The following PRKN variants were observed in gnomAD, a reference collection of about 807,000 sequenced individuals.
The protein encoded by PRKN is E3 ubiquitin-protein ligase parkin.
PRKN carries 56 observed loss-of-function variants against 59.5 expected under a neutral mutation model. The observed-to-expected ratio is 0.94, with a 90% confidence interval of 0.76 to 1.18. The LOEUF is 1.18. Among genes scored for constraint, PRKN ranks in the 50% most tolerant of loss-of-function variants. The pLI is 0.00. For synonymous variants in PRKN, 250 were observed against 222.1 expected, an observed-to-expected ratio of 1.13 and a Z score of -1.12; for missense variants, 657 against 596.4, an observed-to-expected ratio of 1.10 and a Z score of -1.06.
intron 6 of PRKN, among the ~76,000 whole-genome samples, chr6:161,788,810 C>G (rs1053382097): frequency 2.0e-5 from 3 of 152,040 alleles, no homozygotes; most frequent in Non-Finnish European, 2.9e-5. Context: ...TACAGGGAGT[C>G]AAAAATGATA....
chr6:162,162,291 A>C (rs1292746973), intron 4 of PRKN, among the ~76,000 whole-genome samples: 2 of 152,190 alleles, frequency 1.3e-5, no homozygotes, highest in African/African-American at 4.8e-5. Context: ...AAATTGTATT[A>C]GGTAATCCAG....
At chr6:162,187,700 A>G (rs1784089484) in intron 4 of PRKN, among the ~76,000 whole-genome samples, 1 of 152,168 alleles carries the variant, frequency 6.6e-6, no homozygotes, top group Non-Finnish European at 1.5e-5. Context: ...GAGAAAATCT[A>G]TTAATATAAC....
At chr6:161,406,167 CAT>C (rs954062822) in intron 9 of PRKN, among the ~76,000 whole-genome samples, 2 of 150,992 alleles carry the variant, frequency 1.3e-5, no homozygotes, top group African/African-American at 2.4e-5. Flanking sequence ...TATATATACA[CAT>C]ATATATACAT....
At chr6:161,479,009 A>T (rs2115230989) in intron 9 of PRKN, among the ~76,000 whole-genome samples, 1 of 152,360 alleles carries the variant, frequency 6.6e-6, no homozygotes, top group South Asian at 2.1e-4. Context: ...AAAACAATTT[A>T]TACATAGAGT....
At chr6:161,961,775 A>G (rs908000443) in intron 6 of PRKN, among the ~76,000 whole-genome samples, 9 of 152,156 alleles carry the variant, frequency 5.9e-5, no homozygotes, top group Non-Finnish European at 1.3e-4. Context: ...TATCTGTTGA[A>G]TGAACAGACT....
Position 161,561,645 on chromosome 6 carries a change from CCT to C in PRKN, c.933+7708_933+7709del, listed in dbSNP as rs1416596491. On this transcript the variant is annotated intron_variant, in intron 8 of 11. Coordinates refer to ENST00000366898, the MANE Select transcript of PRKN (RefSeq NM_004562.3). The surrounding 1 kb of genome is among the most constrained non-coding windows in gnomAD (Gnocchi z 5.0). ...TCCTCCTGTTAGGGGCCGATTCCTC[CCT>C]CTCTGCTGGATCTGAGCCCTTCTTG... 6.6e-6 allele frequency among the ~76,000 whole-genome samples: 1 copy of C among 152,146 alleles called. No individual in the cohort carries two copies. Among genetic ancestry groups the C allele is most frequent in the Non-Finnish European group, 1.5e-5 (1 of 68,036 alleles).
At chr6:162,036,877 G>C (rs1783870622) in intron 5 of PRKN, among the ~76,000 whole-genome samples, 1 of 151,942 alleles carries the variant, frequency 6.6e-6, no homozygotes, top group South Asian at 2.1e-4. Flanking sequence ...TATAATAAAA[G>C]AAAATAACCA....
chr6:162,511,028 A>T (rs556108850), intron 1 of PRKN, among the ~76,000 whole-genome samples: 53 of 152,302 alleles, frequency 3.5e-4, no homozygotes, highest in African/African-American at 1.2e-3. Flanking sequence ...GGTTTCATAA[A>T]GGAAATTTTA....
At chr6:162,124,363 C>T (rs1017415316) in intron 4 of PRKN, among the ~76,000 whole-genome samples, 1 of 152,176 alleles carries the variant, frequency 6.6e-6, no homozygotes, top group Admixed American at 6.5e-5. Flanking sequence ...TGGGATCTGT[C>T]TTTCCCTCGC....
chr6:161,353,412 C>A lies in PRKN; in HGVS notation c.1286-3201G>T, dbSNP rs1043648912. On this transcript the variant is annotated intron_variant, in intron 11 of 11. Transcript: ENST00000366898. The surrounding 1 kb of genome is among the most constrained non-coding windows in gnomAD (Gnocchi z 4.8). ...TCCATCTTTTAGCGTGAGATCAAAG[C>A]CTTTCTGTCCCACCGCATTTCAACA... Among the ~76,000 whole-genome samples the A allele has an allele frequency of 2.0e-5, 3 of 152,136 alleles. No homozygotes were observed. The highest frequency in any genetic ancestry group is 2.9e-5 in the Non-Finnish European group (2 of 68,028).
chr6:161,695,878 A>G (rs1312495507), intron 7 of PRKN, among the ~76,000 whole-genome samples: 1 of 152,240 alleles, frequency 6.6e-6, no homozygotes, highest in Non-Finnish European at 1.5e-5. Context: ...CTTAGATCAT[A>G]GCGTGATCAA....
intron 6 of PRKN, among the ~76,000 whole-genome samples, chr6:161,820,543 T>C (rs1308469304): frequency 2.0e-5 from 3 of 147,696 alleles, no homozygotes; most frequent in Non-Finnish European, 4.5e-5. Context: ...ATTTTATTCA[T>C]TTACTTTATA....
chr6:161,427,487 A>G (rs1340091840), intron 9 of PRKN, among the ~76,000 whole-genome samples: 1 of 152,162 alleles, frequency 6.6e-6, no homozygotes, highest in Non-Finnish European at 1.5e-5. Flanking sequence ...AACTGACCCA[A>G]GGATTTTCTA....
intron 6 of PRKN, among the ~76,000 whole-genome samples, chr6:161,854,603 C>T (rs536242993): frequency 2.0e-5 from 3 of 151,972 alleles, no homozygotes; most frequent in South Asian, 4.2e-4. Context: ...ATACATATAC[C>T]TACATCTAAT....
In PRKN at chr6:162,640,777, G is replaced by A. The variant is rs557073229; in HGVS notation, c.7+86885C>T. Among the ~76,000 whole-genome samples, 542 of 152,274 alleles carry A rather than the reference G, an allele frequency of 3.6e-3. 1 individual carries two copies. Among genetic ancestry groups the A allele is most frequent in the Non-Finnish European group, 4.8e-3 (329 of 68,018 alleles). ...AGGCTGTGCTTGACAATTCCCTGAA[G>A]GGGCAATGGTTCATAATGCTGGTAC... On this transcript the variant is annotated intron_variant, in intron 1 of 11. Coordinates refer to ENST00000366898, the MANE Select transcript of PRKN (RefSeq NM_004562.3).
At chr6:161,680,424 G>A (rs1273893227) in intron 7 of PRKN, among the ~76,000 whole-genome samples, 2 of 152,044 alleles carry the variant, frequency 1.3e-5, no homozygotes, top group Non-Finnish European at 2.9e-5. Context: ...CCTGTGAATG[G>A]CCGAGTTCTG....
chr6:162,488,765 G>T (rs550227716), intron 1 of PRKN, among the ~76,000 whole-genome samples: 2 of 152,208 alleles, frequency 1.3e-5, no homozygotes, highest in Non-Finnish European at 2.9e-5. Context: ...GGGACAAATA[G>T]TGCTGGTGAT....
intron 1 of PRKN, among the ~76,000 whole-genome samples, chr6:162,454,228 T>A (rs1464054768): frequency 6.6e-6 from 1 of 152,256 alleles, no homozygotes; most frequent in Non-Finnish European, 1.5e-5. Context: ...TCACGTCAGT[T>A]GTGCCATATT....
chr6:162,202,990 G>A (rs1784793513), intron 3 of PRKN, among the ~76,000 whole-genome samples: 1 of 152,122 alleles, frequency 6.6e-6, no homozygotes, highest in Non-Finnish European at 1.5e-5. Context: ...AAAGGAGGAA[G>A]AAAAGGAACA....
Sources: gnomAD v4.1 joint callset for allele counts (sites outside exome capture counted in the v4.1 genomes callset) on GRCh38, gnomAD v4.1.1 for gene constraint, Gnocchi (gnomAD v3.1) non-coding constraint, MANE v1.5 for transcripts, NCBI Gene and HGNC (gene_info 2026-07-23, HGNC 2026-07-21) for gene names.